PDK3: variants seen among roughly 807,000 people sequenced by gnomAD.
The protein encoded by PDK3 is pyruvate dehydrogenase kinase, isozyme 3.
In PDK3, 12 loss-of-function variants were observed where a neutral mutation model predicts 32.0. That is an observed-to-expected ratio of 0.37 (90% CI 0.24 to 0.61). The LOEUF (loss-of-function observed/expected upper bound fraction) is 0.61. Among genes scored for constraint, PDK3 ranks in the 20% least tolerant of loss-of-function variants. PDK3 has a pLI of 0.65. For missense variants in PDK3, 188 were observed against 316.9 expected (o/e 0.59, Z 3.09); for synonymous variants, 122 against 116.3 (o/e 1.05, Z -0.31).
rs1349535136 is a variant in PDK3 at position 24,465,609 on chromosome X, C to T, written c.106+48C>T. On this transcript the variant is annotated intron_variant, in intron 1 of 10. Coordinates refer to ENST00000379162, the MANE Select transcript of PDK3 (RefSeq NM_005391.5). ...CCATGGGCCCGGGGCCGCCGCCATT[C>T]GGGCTGCCACCCCGGATCTCCGCAG... 3.2e-6 allele frequency: 3 copies of T among 924,468 alleles called. No individual in the cohort carries two copies. In the Admixed American group the frequency reaches 7.2e-5, roughly 22 times the overall value. The allele number at this position is 924,468 out of a possible 1,213,427, so 76.2% of individuals were successfully genotyped here. A position where few individuals can be genotyped will look rare whatever the true frequency, so the allele number is the denominator to read the frequency against.
At chrX:24,511,281 C>G (rs1052222531) in intron 5 of PDK3, among the ~76,000 whole-genome samples, 7 of 112,754 alleles carry the variant, frequency 6.2e-5, no homozygotes, top group African/African-American at 2.2e-4. Flanking sequence ...TTCACCCTGG[C>G]TTTGTACCTT....
chrX:24,486,120 C>T (rs1331898173), intron 1 of PDK3, among the ~76,000 whole-genome samples: 1 of 111,841 alleles, frequency 8.9e-6, no homozygotes, highest in Non-Finnish European at 1.9e-5. Flanking sequence ...AAATTTCCTT[C>T]TGGAGTCTGG....
intron 5 of PDK3, among the ~76,000 whole-genome samples, chrX:24,514,925 G>A (rs186262071): frequency 6.9e-4 from 77 of 111,592 alleles, no homozygotes; most frequent in Middle Eastern, 4.6e-3. Flanking sequence ...ATTTGGTAAC[G>A]AATCCCACAC....
exon 12 of PDK3, chrX:24,546,657 C>T (rs1387242045): frequency 8.9e-6 from 1 of 111,949 alleles, no homozygotes; most frequent in East Asian, 2.8e-4. Context: ...GTGTGTGACA[C>T]AGGTGGCTCC....
downstream of PDK3, among the ~76,000 whole-genome samples, chrX:24,537,136 G>C (rs113905909): frequency 1.1e-4 from 3 of 27,587 alleles, no homozygotes; most frequent in Non-Finnish European, 1.4e-4. Flanking sequence ...TTTTTTTTTT[G>C]AGACAGAGTC....
At chrX:24,466,244 C>T (rs1167642217) in intron 1 of PDK3, among the ~76,000 whole-genome samples, 1 of 111,726 alleles carries the variant, frequency 9.0e-6, no homozygotes, top group African/African-American at 3.3e-5. Context: ...GGCTGGTGGG[C>T]GGCTTTCACG....
At chrX:24,533,881 A>G in intron 10 of PDK3, 48 bp from the exon 11 acceptor site, 1 of 1,125,630 alleles carries the variant, frequency 8.9e-7, no homozygotes, top group Non-Finnish European at 1.2e-6. Context: ...TTCACTTGAG[A>G]AAAATGACAC....
intron 6 of PDK3, among the ~76,000 whole-genome samples, chrX:24,525,660 T>C (rs186581601): frequency 1.3e-4 from 14 of 111,910 alleles, no homozygotes; most frequent in African/African-American, 3.9e-4. Flanking sequence ...AGATCATAGG[T>C]CTCTAGGGGT....
chrX:24,524,259 C>G (rs1218033911), intron 6 of PDK3, among the ~76,000 whole-genome samples: 1 of 111,803 alleles, frequency 8.9e-6, no homozygotes, highest in Non-Finnish European at 1.9e-5. Context: ...AGCATGTTTG[C>G]AAAGCAATTG....
At chrX:24,521,538 A>G (rs1457248774) in intron 6 of PDK3, among the ~76,000 whole-genome samples, 1 of 110,932 alleles carries the variant, frequency 9.0e-6, no homozygotes, top group Non-Finnish European at 1.9e-5. Context: ...GATGAGAACC[A>G]TCTTAATATT....
At chrX:24,524,620 A>C (rs767295190) in intron 6 of PDK3, among the ~76,000 whole-genome samples, 1 of 111,679 alleles carries the variant, frequency 9.0e-6, no homozygotes, top group Non-Finnish European at 1.9e-5. Context: ...ACATAGTTAT[A>C]ATGTCACCAA....
intron 1 of PDK3, among the ~76,000 whole-genome samples, chrX:24,485,927 A>C (rs965350043): frequency 8.9e-6 from 1 of 112,006 alleles, no homozygotes. Context: ...AAAAATGGAC[A>C]TTAACCCCCA....
intron 1 of PDK3, among the ~76,000 whole-genome samples, chrX:24,488,864 T>C (rs1255857552): frequency 8.9e-6 from 1 of 112,130 alleles, no homozygotes; most frequent in Non-Finnish European, 1.9e-5. Context: ...ATCTTTGAAC[T>C]GATACCAGGG....
chrX:24,533,590 G>A (rs900554479), intron 10 of PDK3, among the ~76,000 whole-genome samples: 2 of 111,919 alleles, frequency 1.8e-5, no homozygotes, highest in African/African-American at 3.2e-5. Context: ...TGGGATGCAT[G>A]AGACTGTATC....
At chrX:24,494,662 T>C (rs755724262) in intron 1 of PDK3, 80 bp from the exon 2 acceptor site, 1 of 667,541 alleles carries the variant, frequency 1.5e-6, no homozygotes, top group Non-Finnish European at 2.3e-6. Context: ...CAACCAGTAG[T>C]AACCGTGCTA....
chrX:24,539,051 G>A, downstream of PDK3: 1 of 589,565 alleles, frequency 1.7e-6, no homozygotes, highest in Non-Finnish European at 2.8e-6. Flanking sequence ...TCACTATAAT[G>A]AAATACTCTA....
chrX:24,489,592 G>A (rs750924969), intron 1 of PDK3, among the ~76,000 whole-genome samples: 1 of 105,855 alleles, frequency 9.4e-6, no homozygotes, highest in East Asian at 3.0e-4. Context: ...GGCTGAGGCA[G>A]GAGAATCGTT....
chrX:24,515,772 TA>T (rs780260211), intron 5 of PDK3, among the ~76,000 whole-genome samples: 9 of 112,451 alleles, frequency 8.0e-5, no homozygotes, highest in African/African-American at 2.9e-4. Flanking sequence ...AAAACACTTG[TA>T]AATTTAGTAC....
chrX:24,506,100 C>A (rs902991409), intron 5 of PDK3, among the ~76,000 whole-genome samples: 1 of 111,787 alleles, frequency 8.9e-6, no homozygotes, highest in Non-Finnish European at 1.9e-5. Context: ...GCAGCCATAG[C>A]AAAGGAAAAC....
Sources: gnomAD v4.1 joint callset for allele counts (sites outside exome capture counted in the v4.1 genomes callset) on GRCh38, gnomAD v4.1.1 for gene constraint, MANE v1.5 for transcripts, NCBI Gene and HGNC (gene_info 2026-07-23, HGNC 2026-07-21) for gene names.